PDK2: variants seen among roughly 807,000 people sequenced by gnomAD.
The protein encoded by PDK2 is pyruvate dehydrogenase kinase, isozyme 2.
Under a neutral mutation model 50.4 loss-of-function variants are expected in PDK2, and 34 were observed. The observed-to-expected ratio is 0.68, with a 90% confidence interval of 0.51 to 0.90. The LOEUF is 0.90. Among genes scored for constraint, PDK2 ranks in the 40% least tolerant of loss-of-function variants. PDK2 has a pLI of 0.00. For synonymous variants in PDK2, 232 were observed against 216.0 expected (o/e 1.07, Z -0.65); for missense variants, 377 against 544.5 (o/e 0.69, Z 3.06).
intron 2 of PDK2, among the ~76,000 whole-genome samples, chr17:50,103,707 A>G (rs1276760516): frequency 3.9e-5 from 6 of 152,170 alleles, no homozygotes. Flanking sequence ...CGAGAAGAGC[A>G]GCAATACTAG....
At chr17:50,096,011 A>C in intron 1 of PDK2, 1 of 635,844 alleles carries the variant, frequency 1.6e-6, no homozygotes, top group Non-Finnish European at 2.0e-6. Context: ...TGGACTGGGC[A>C]TGAAGGGTCA....
rs760570968 is a variant in PDK2 at position 50,108,368 on chromosome 17, C to A, written c.812C>A (p.Pro271Gln). The A allele has an allele frequency of 6.2e-7, 1 of 1,614,040 alleles. No homozygotes were observed. Among genetic ancestry groups the A allele is most frequent in the African/African-American group, 1.3e-5 (1 of 74,950 alleles). Residue 271 changes from proline to glutamine, a missense_variant, in exon 8 of 11, where the codon CCA (proline) becomes CAA (glutamine). Around this residue, in one of 3 missense-constraint regions of PDK2, gnomAD observed 214 missense variants for 294.0 expected, o/e 0.73. Coordinates refer to ENST00000503176, the MANE Select transcript of PDK2 (RefSeq NM_002611.5). ...VESHESSLIL[P>Q]PIKVMVALGE... ...AGCCATGAGTCCAGCCTCATTCTCC[C>A]ACCCATCAAGGTCATGGTGGCCTTG...
intron 1 of PDK2, among the ~76,000 whole-genome samples, chr17:50,097,061 C>T (rs550925507): frequency 8.5e-5 from 13 of 152,290 alleles, no homozygotes; most frequent in African/African-American, 3.1e-4. Flanking sequence ...ATGGGTTTCC[C>T]AGGCTCCTTT....
chr17:50,109,903 G>A lies in PDK2; in HGVS notation c.1084-54G>A, dbSNP rs1910736322. On this transcript the variant is annotated intron_variant, in intron 10 of 10. Coordinates refer to ENST00000503176, the MANE Select transcript of PDK2 (RefSeq NM_002611.5). The surrounding 1 kb of genome is among the most constrained non-coding windows in gnomAD (Gnocchi z 5.0). Reference sequence around the variant, plus strand: ...CTGAGCTGGGGTGGGGTGGTCTGCTGAGGAGTGGACAAGGCACAGGGAGGT... The same window carrying A: ...CTGAGCTGGGGTGGGGTGGTCTGCTAAGGAGTGGACAAGGCACAGGGAGGT... The A allele has an allele frequency of 1.4e-6, 2 of 1,455,204 alleles. No individual in the cohort carries two copies. The highest frequency in any genetic ancestry group is 1.8e-6 in the Non-Finnish European group (2 of 1,091,626). The allele number at this position is 1,455,204 out of a possible 1,614,324, so 90.1% of individuals were successfully genotyped here.
At chr17:50,106,116 T>A (rs1053112501) in intron 4 of PDK2, 47 bp downstream of exon 4, 1 of 1,554,288 alleles carries the variant, frequency 6.4e-7, no homozygotes, top group East Asian at 2.4e-5. Context: ...GGGGGGGCGG[T>A]GCTGGGGCCC....
At chr17:50,106,999 G>T in intron 5 of PDK2, 77 bp from the exon 6 acceptor site, 1 of 1,461,898 alleles carries the variant, frequency 6.8e-7, no homozygotes, top group South Asian at 1.1e-5. Flanking sequence ...TAATGCTGGT[G>T]GTCCCCAGTA....
intron 2 of PDK2, among the ~76,000 whole-genome samples, chr17:50,104,638 T>C (rs897076765): frequency 6.6e-6 from 1 of 152,170 alleles, no homozygotes; most frequent in Non-Finnish European, 1.5e-5. Context: ...GGCCTGTAGA[T>C]GGGAGGAGGT....
chr17:50,110,280 G>C lies in PDK2; in HGVS notation c.*183G>C, dbSNP rs542639866. On this transcript the variant is annotated 3_prime_UTR_variant, in exon 11 of 11. Transcript: ENST00000503176. ...GGTCCCTAAGTGCCAGTCCATCTCT[G>C]TGGAGACCCCTCGGTGGCCTCCCTA... is the stretch of plus-strand genomic sequence containing the variant. 2.9e-5 allele frequency: 16 copies of C among 558,350 alleles called. No homozygotes were observed. In the East Asian group the frequency reaches 5.3e-4, roughly 19 times the overall value. The allele number at this position is 558,350 out of a possible 1,614,324, so 34.6% of individuals were successfully genotyped here.
At position 50,097,411 on chromosome 17, in the gene PDK2, T is replaced by G. The variant is rs1910006427; in HGVS notation, c.119-12T>G. The G allele has an allele frequency of 6.2e-7, 1 of 1,613,138 alleles. No individual in the cohort carries two copies. The highest frequency in any genetic ancestry group is 1.3e-5 in the African/African-American group (1 of 75,016). On this transcript the variant is annotated splice_polypyrimidine_tract_variant and intron_variant, in intron 1 of 10. Transcript: ENST00000503176. ...CTGTGGCTCTGTGGCTCACCCCTCT[T>G]TCTCCTGCCAGGATCCAGCAATGCC... is the stretch of plus-strand genomic sequence containing the variant.
rs769477192 is a variant in PDK2 at position 50,105,895 on chromosome 17, G to A, written c.343G>A (p.Ala115Thr). ...DHRTLSQFTD[A>T]LVTIRNRHND... is the part of the protein sequence containing the mutation. ...TGCCCTGCCCCACAGGTTCACTGAC[G>A]CCCTGGTCACCATCCGGAACCGGCA... Residue 115 changes from alanine to threonine, a missense_variant, in exon 4 of 11, where the codon GCC becomes ACC. This residue lies in a region of PDK2 where 63 missense variants were observed against 135.1 expected (regional missense o/e 0.47). Transcript: ENST00000503176. 1.6e-5 allele frequency: 26 copies of A among 1,613,192 alleles called. No individual in the cohort carries two copies. The highest frequency in any genetic ancestry group is 1.3e-5 in the Non-Finnish European group (15 of 1,179,670).
In PDK2 at chr17:50,106,705, A is replaced by G. The variant is rs1036215501; in HGVS notation, c.518-89A>G. On this transcript the variant is annotated intron_variant, in intron 4 of 10. Transcript: ENST00000503176. ...GAGCCTACAGAGGCATTGGAGGTGA[A>G]AGTAGAAAGAGGAGGAAAGCCCGGG... 4.7e-5 allele frequency: 50 copies of G among 1,070,066 alleles called. 1 individual carries two copies. The Admixed American group carries it at 8.6e-4, about 19-fold the overall frequency. 66.3% of individuals were successfully genotyped at this position (1,070,066 alleles called of 1,614,324 possible).
At position 50,106,437 on chromosome 17, in the gene PDK2, A is replaced by G. The variant is rs189679544; in HGVS notation, c.518-357A>G. 5 of 458,154 alleles carry G rather than the reference A, an allele frequency of 1.1e-5. No individual in the cohort carries two copies. The East Asian group carries it at 2.0e-4, about 18-fold the overall frequency. The allele number at this position is 458,154 out of a possible 1,614,324, so 28.4% of individuals were successfully genotyped here. A position where few individuals can be genotyped will look rare whatever the true frequency, so the allele number is the denominator to read the frequency against. On this transcript the variant is annotated intron_variant, in intron 4 of 10. Coordinates refer to ENST00000503176, the MANE Select transcript of PDK2 (RefSeq NM_002611.5). ...GATTTTTGAGAAGTTGTAGCCAGTCATAAATTAAACAAGTTCCTCATGCTC... is the reference window on the plus strand; with the variant it reads ...GATTTTTGAGAAGTTGTAGCCAGTCGTAAATTAAACAAGTTCCTCATGCTC...
chr17:50,107,190 G>T, intron 6 of PDK2, 37 bp downstream of exon 6: 14 of 1,575,810 alleles, frequency 8.9e-6, no homozygotes, highest in Non-Finnish European at 1.2e-5. Flanking sequence ...CTGTCTTGGG[G>T]CTGGGGACGT....
chr17:50,096,003 G>C (rs1909919880), intron 1 of PDK2: 1 of 572,018 alleles, frequency 1.7e-6, no homozygotes, highest in South Asian at 6.9e-5. Context: ...GAGAGACCTG[G>C]ACTGGGCATG....
intron 4 of PDK2, 36 bp downstream of exon 4, chr17:50,106,105 G>C (rs376005235): frequency 6.2e-5 from 97 of 1,558,304 alleles, no homozygotes; most frequent in African/African-American, 6.1e-4. Flanking sequence ...AGCGGGCGGT[G>C]GGGGGGGCGG....
intron 2 of PDK2, chr17:50,098,871 A>AAGGT (rs1372053348): frequency 1.3e-5 from 2 of 152,356 alleles, no homozygotes; most frequent in East Asian, 3.9e-4. Flanking sequence ...CTTACAGGGT[A>AAGGT]CCTAGGCAAG....
At chr17:50,104,609 A>G (rs187456483) in intron 2 of PDK2, among the ~76,000 whole-genome samples, 1 of 152,278 alleles carries the variant, frequency 6.6e-6, no homozygotes, top group East Asian at 1.9e-4. Context: ...TAGCCCAGGG[A>G]AAACTGGCCT....
chr17:50,105,632 T>C (rs1910466002), intron 3 of PDK2, among the ~76,000 whole-genome samples, 190 bp downstream of exon 3: 1 of 152,152 alleles, frequency 6.6e-6, no homozygotes, highest in African/African-American at 2.4e-5. Flanking sequence ...TGGACTCCAT[T>C]CTCACTGTTC....
rs1598216699 is a variant in PDK2, at chr17:50,109,498, G to C, written c.1083+98G>C. 1.5e-6 allele frequency: 1 copy of C among 651,932 alleles called. No individual in the cohort carries two copies. Among genetic ancestry groups the C allele is most frequent in the East Asian group, 2.9e-5 (1 of 33,902 alleles). 40.4% of individuals were successfully genotyped at this position (651,932 alleles called of 1,614,324 possible). ...GCGAGCTTTCCTTTCCATCCCCCCA[G>C]TCCTTCCCTGGCCCCAGACTCTGAG... is the stretch of plus-strand genomic sequence containing the variant. On this transcript the variant is annotated intron_variant, in intron 10 of 10. Transcript: ENST00000503176. The surrounding 1 kb of genome is among the most constrained non-coding windows in gnomAD (Gnocchi z 5.0).
Sources: gnomAD v4.1 joint callset for allele counts (sites outside exome capture counted in the v4.1 genomes callset) on GRCh38, gnomAD v4.1.1 for gene constraint, gnomAD v4.1.1 regional missense constraint, Gnocchi (gnomAD v3.1) non-coding constraint, MANE v1.5 for transcripts, NCBI Gene and HGNC (gene_info 2026-07-23, HGNC 2026-07-21) for gene names.